Variants in ABAT observed in about 807,000 individuals in gnomAD.
The protein encoded by ABAT is 4-aminobutyrate aminotransferase, mitochondrial.
A neutral mutation model predicts 64.6 loss-of-function variants in ABAT; 45 were observed. The ratio of observed to expected loss-of-function variants is 0.70; its 90% CI spans 0.55 to 0.89. The LOEUF (loss-of-function observed/expected upper bound fraction) is 0.89, where lower values mean the gene tolerates loss of function less well. Ranked by LOEUF, ABAT falls within the 40% of genes least tolerant of loss-of-function variation. ABAT has a pLI of 0.00. For synonymous variants in ABAT, 297 were observed against 250.5 expected, an observed-to-expected ratio of 1.19 and a Z score of -1.75; for missense variants, 633 against 658.4, an observed-to-expected ratio of 0.96 and a Z score of 0.42.
chr16:8,703,674 A>T lies in ABAT; in HGVS notation c.-42+28963A>T, dbSNP rs117449783. Among the ~76,000 whole-genome samples, 749 of 152,298 alleles carry T rather than the reference A, an allele frequency of 4.9e-3. 2 individuals carry two copies. The highest frequency in any genetic ancestry group is 8.8e-3 in the Non-Finnish European group (596 of 68,032). ...CTTGGGTCTGTGTCCGTTCTCTAAA[A>T]ACTGAACTCTGCTTGAAATTGAGTG... On this transcript the variant is annotated intron_variant, in intron 1 of 15. Coordinates refer to ENST00000268251, the MANE Select transcript of ABAT (RefSeq NM_020686.6).
Position 8,751,417 on chromosome 16 carries a change from A to C in ABAT, c.316+878A>C, listed in dbSNP as rs554604979. Among the ~76,000 whole-genome samples the C allele has an allele frequency of 9.9e-5, 15 of 152,116 alleles. No homozygotes were observed. In the South Asian group the frequency reaches 3.1e-3, roughly 32 times the overall value. ...GTAGGGATTCTTGGGCAGGTTATTG[A>C]TTGAGGGAGAGCTCTCAGGAGAAAG... On this transcript the variant is annotated intron_variant, in intron 5 of 15. Coordinates refer to ENST00000268251, the MANE Select transcript of ABAT (RefSeq NM_020686.6).
intron 1 of ABAT, among the ~76,000 whole-genome samples, chr16:8,697,020 G>A (rs889194354): frequency 2.6e-5 from 4 of 152,190 alleles, no homozygotes; most frequent in Admixed American, 6.5e-5. Flanking sequence ...AGGAGCTTGC[G>A]TGCTGGCGGA....
chr16:8,735,090 C>T (rs2058876078), intron 1 of ABAT, among the ~76,000 whole-genome samples: 1 of 149,974 alleles, frequency 6.7e-6, no homozygotes, highest in Non-Finnish European at 1.5e-5. Flanking sequence ...CCTGTAGTCC[C>T]AGCTACTCAG....
intron 1 of ABAT, chr16:8,705,584 C>T (rs963031856): frequency 6.6e-6 from 1 of 152,138 alleles, no homozygotes; most frequent in Non-Finnish European, 1.5e-5. Context: ...GGTCTGGATT[C>T]AGATACTCTC....
At chr16:8,702,476 C>A (rs946152544) in intron 1 of ABAT, among the ~76,000 whole-genome samples, 11 of 152,138 alleles carry the variant, frequency 7.2e-5, no homozygotes, top group African/African-American at 2.4e-4. Context: ...TGGTCTCGAA[C>A]TCCTGACCTC....
At chr16:8,709,405 ACT>A (rs1375183117) in intron 1 of ABAT, among the ~76,000 whole-genome samples, 1 of 151,396 alleles carries the variant, frequency 6.6e-6, no homozygotes, top group East Asian at 1.9e-4. Context: ...ATGGAGTCTC[ACT>A]CTGTCGCCCA....
intron 1 of ABAT, among the ~76,000 whole-genome samples, chr16:8,699,525 T>C (rs2057773518): frequency 6.6e-6 from 1 of 151,964 alleles, no homozygotes. Flanking sequence ...GCCATTGCAA[T>C]CCAGCCTGGG....
chr16:8,764,877 ACCCAGC>A lies in ABAT; in HGVS notation c.540+49_540+54del. ...CACACACACACACAGGCTCCCCAGC[ACCCAGC>A]CACACGCTCACCCCTTGTCTGACTG... On this transcript the variant is annotated intron_variant, in intron 8 of 15. Transcript: ENST00000268251. The surrounding 1 kb of genome is among the most constrained non-coding windows in gnomAD (Gnocchi z 4.2). 1 of 1,488,972 alleles carries A rather than the reference ACCCAGC, an allele frequency of 6.7e-7. No homozygotes were observed. Among genetic ancestry groups the A allele is most frequent in the Non-Finnish European group, 9.4e-7 (1 of 1,067,414 alleles). The allele number at this position is 1,488,972 out of a possible 1,614,324, so 92.2% of individuals were successfully genotyped here. A position where few individuals can be genotyped will look rare whatever the true frequency, so the allele number is the denominator to read the frequency against.
At chr16:8,758,179 G>A (rs2059697997) in intron 6 of ABAT, among the ~76,000 whole-genome samples, 1 of 152,208 alleles carries the variant, frequency 6.6e-6, no homozygotes, top group Non-Finnish European at 1.5e-5. Flanking sequence ...AGTCTGTGAA[G>A]CAGGTACTTT....
Position 8,764,293 on chromosome 16 carries a change from A to G in ABAT, c.447+144A>G, listed in dbSNP as rs530034443. ...TTATTCTTCCATGCAGAGTATTTTA[A>G]ATTTTTCTTTTAAAGGACAGAAGGG... On this transcript the variant is annotated intron_variant, in intron 7 of 15. Transcript: ENST00000268251. This position sits in a 1 kb window ranked among gnomAD's most constrained non-coding sequence, Gnocchi z 4.2. 4.4e-5 allele frequency: 35 copies of G among 787,080 alleles called. No individual in the cohort carries two copies. In the South Asian group the frequency reaches 5.0e-4, roughly 11 times the overall value. 48.8% of individuals were successfully genotyped at this position (787,080 alleles called of 1,614,324 possible).
chr16:8,761,109 C>A (rs1047629187), intron 6 of ABAT, among the ~76,000 whole-genome samples: 2 of 142,576 alleles, frequency 1.4e-5, no homozygotes, highest in African/African-American at 5.1e-5. Flanking sequence ...AAACATATCC[C>A]AGAAAACAAA....
intron 1 of ABAT, among the ~76,000 whole-genome samples, chr16:8,676,283 C>G (rs2057200183): frequency 6.6e-6 from 1 of 152,136 alleles, no homozygotes; most frequent in Non-Finnish European, 1.5e-5. Context: ...CAGTTAAACA[C>G]ACAGAGGCAC....
At position 8,774,222 on chromosome 16, in the gene ABAT, G is replaced by A. The variant is rs1329544602; in HGVS notation, c.955-668G>A. On this transcript the variant is annotated intron_variant, in intron 12 of 15. Coordinates refer to ENST00000268251, the MANE Select transcript of ABAT (RefSeq NM_020686.6). Reference sequence around the variant, plus strand: ...GCTGGAATTACAGGTGAGAGCCACCGCGCCTTGCCGAGTGTGTATATGTAC... The same window carrying A: ...GCTGGAATTACAGGTGAGAGCCACCACGCCTTGCCGAGTGTGTATATGTAC... 3.3e-5 allele frequency among the ~76,000 whole-genome samples: 5 copies of A among 152,274 alleles called. 1 individual carries two copies. In the South Asian group the frequency reaches 8.3e-4, roughly 25 times the overall value.
intron 2 of ABAT, among the ~76,000 whole-genome samples, chr16:8,737,972 G>A (rs1230754255): frequency 3.3e-5 from 2 of 60,792 alleles, no homozygotes; most frequent in African/African-American, 1.6e-4. Flanking sequence ...AAGGAAGGAA[G>A]GAAGGAAGGA....
At position 8,675,859 on chromosome 16, in the gene ABAT, C is replaced by T. The variant is rs189284939; in HGVS notation, c.-42+1148C>T. Among the ~76,000 whole-genome samples the T allele has an allele frequency of 1.0e-3, 152 of 152,300 alleles. No individual in the cohort carries two copies. The Middle Eastern group carries it at 0.01, about 10-fold the overall frequency. ...CAGCTGGCCCTCTTCCAAGAGGGCC[C>T]GCATTTCCCCCCTAAAGTGTGCACC... On this transcript the variant is annotated intron_variant, in intron 1 of 15. Coordinates refer to ENST00000268251, the MANE Select transcript of ABAT (RefSeq NM_020686.6).
intron 1 of ABAT, among the ~76,000 whole-genome samples, chr16:8,692,588 A>G (rs1212879520): frequency 1.3e-5 from 2 of 152,132 alleles, no homozygotes; most frequent in South Asian, 2.1e-4. Context: ...AGCTCTTAGC[A>G]CTTGCCATGT....
At chr16:8,773,690 C>T (rs1021926340) in intron 12 of ABAT, among the ~76,000 whole-genome samples, 7 of 152,180 alleles carry the variant, frequency 4.6e-5, no homozygotes, top group African/African-American at 1.7e-4. Flanking sequence ...CATTAACCAA[C>T]CCCTATTTAT....
rs151260315 is a variant in ABAT at position 8,684,205 on chromosome 16, C to T, written c.-42+9494C>T. ...AAAGGCAGAAAAGAAGAGAAAGAGA[C>T]TCTGTGCAGGGAGAGCATCATGAAC... On this transcript the variant is annotated intron_variant, in intron 1 of 15. Coordinates refer to ENST00000268251, the MANE Select transcript of ABAT (RefSeq NM_020686.6). Among the ~76,000 whole-genome samples the T allele has an allele frequency of 4.0e-3, 616 of 152,250 alleles. 6 individuals carry two copies. Among genetic ancestry groups the T allele is most frequent in the African/African-American group, 0.014 (597 of 41,552 alleles).
At chr16:8,742,457 T>A (rs1193316208) in intron 2 of ABAT, among the ~76,000 whole-genome samples, 3 of 152,222 alleles carry the variant, frequency 2.0e-5, no homozygotes, top group Admixed American at 1.3e-4. Flanking sequence ...CAAAGCAAGA[T>A]CTGCACTGGT....
Sources: gnomAD v4.1 joint callset for allele counts (sites outside exome capture counted in the v4.1 genomes callset) on GRCh38, gnomAD v4.1.1 for gene constraint, Gnocchi (gnomAD v3.1) non-coding constraint, MANE v1.5 for transcripts, NCBI Gene and HGNC (gene_info 2026-07-23, HGNC 2026-07-21) for gene names.